Variants in IQCM observed in about 807,000 individuals in gnomAD.
The protein encoded by IQCM is IQ motif containing M.
A neutral mutation model predicts 57.6 loss-of-function variants in IQCM; 45 were observed. The observed-to-expected ratio is 0.78, with a 90% CI of 0.62 to 1.00. The LOEUF (loss-of-function observed/expected upper bound fraction) is 1.00. Among genes scored for constraint, IQCM ranks in the 50% least tolerant of loss-of-function variants. The pLI is 0.00. For missense variants in IQCM, 468 were observed against 511.6 expected (o/e 0.91, Z 0.82); for synonymous variants, 148 against 158.9 (o/e 0.93, Z 0.51).
chr4:149,553,131 T>G lies in IQCM; in HGVS notation c.1093+12A>C. ...AACTTAAATTCAAACCAGAAGTGTC[T>G]GCATCACTTACATTTTTTTCGGTCC... On this transcript the variant is annotated intron_variant, in intron 11 of 13. Transcript: ENST00000636793. 8.1e-7 allele frequency: 1 copy of G among 1,231,554 alleles called. No individual in the cohort carries two copies. The highest frequency in any genetic ancestry group is 1.0e-6 in the Non-Finnish European group (1 of 987,422). The allele number at this position is 1,231,554 out of a possible 1,614,324, so 76.3% of individuals were successfully genotyped here. A position where few individuals can be genotyped will look rare whatever the true frequency, so the allele number is the denominator to read the frequency against.
chr4:149,566,109 G>A (rs1217999205), intron 9 of IQCM, among the ~76,000 whole-genome samples: 1 of 152,086 alleles, frequency 6.6e-6, no homozygotes, highest in Non-Finnish European at 1.5e-5. Context: ...TTTTTGCTTG[G>A]CTAATATAAT....
intron 12 of IQCM, among the ~76,000 whole-genome samples, chr4:149,496,067 C>T (rs537560549): frequency 8.9e-4 from 136 of 152,058 alleles, no homozygotes; most frequent in African/African-American, 3.1e-3. Context: ...GGCCTTTGTA[C>T]GGGGAAGTGG....
At chr4:149,409,913 C>T (rs915927195) in intron 13 of IQCM, among the ~76,000 whole-genome samples, 14 of 152,126 alleles carry the variant, frequency 9.2e-5, no homozygotes, top group African/African-American at 2.2e-4. Flanking sequence ...TGGCCTGGCC[C>T]GGTGGCTCAT....
intron 12 of IQCM, among the ~76,000 whole-genome samples, chr4:149,446,796 G>T (rs555496366): frequency 6.6e-6 from 1 of 151,478 alleles, no homozygotes; most frequent in East Asian, 1.9e-4. Context: ...AATTCCTTAA[G>T]GATAGTCAGA....
At chr4:149,530,945 A>G (rs2149851562) in intron 12 of IQCM, among the ~76,000 whole-genome samples, 1 of 152,140 alleles carries the variant, frequency 6.6e-6, no homozygotes, top group East Asian at 1.9e-4. Context: ...CTATATGCAC[A>G]ATTATCACAT....
At chr4:149,539,490 T>C (rs980808884) in intron 12 of IQCM, among the ~76,000 whole-genome samples, 2 of 152,160 alleles carry the variant, frequency 1.3e-5, no homozygotes, top group Non-Finnish European at 2.9e-5. Flanking sequence ...CCAATGCACA[T>C]TTACTAAAAA....
chr4:149,670,115 C>A (rs192056977), intron 7 of IQCM, among the ~76,000 whole-genome samples: 18 of 152,226 alleles, frequency 1.2e-4, no homozygotes, highest in Admixed American at 3.3e-4. Context: ...ATGAGCATGG[C>A]ATGTTCTTGA....
In IQCM at chr4:149,682,104, T is replaced by C. The variant is rs892075376; in HGVS notation, c.565+14A>G. 3 of 1,085,132 alleles carry C rather than the reference T, an allele frequency of 2.8e-6. No homozygotes were observed. The highest frequency in any genetic ancestry group is 3.3e-5 in the African/African-American group (2 of 61,176). 67.2% of individuals were successfully genotyped at this position (1,085,132 alleles called of 1,614,324 possible). A position where few individuals can be genotyped will look rare whatever the true frequency, so the allele number is the denominator to read the frequency against. ...ATCAATGTGCTGCTACCAACATTTA[T>C]GTATAAGACTCACCAGGTTCTTTCA... On this transcript the variant is annotated intron_variant, in intron 7 of 13. Transcript: ENST00000636793.
At chr4:149,808,060 C>T (rs1345026938) in intron 2 of IQCM, among the ~76,000 whole-genome samples, 5 of 152,106 alleles carry the variant, frequency 3.3e-5, no homozygotes, top group Non-Finnish European at 7.4e-5. Flanking sequence ...AGCAATTCCA[C>T]TGCTGAGCAT....
intron 7 of IQCM, among the ~76,000 whole-genome samples, chr4:149,672,340 G>A (rs942857107): frequency 1.9e-4 from 29 of 152,150 alleles, no homozygotes; most frequent in Non-Finnish European, 2.8e-4. Flanking sequence ...AGCTAAAGGA[G>A]GATGTTCGAA....
At chr4:149,425,881 T>C (rs1022268726) in intron 13 of IQCM, among the ~76,000 whole-genome samples, 2 of 152,026 alleles carry the variant, frequency 1.3e-5, no homozygotes, top group Admixed American at 6.6e-5. Context: ...ATTATACAGA[T>C]TTATTTTATA....
intron 13 of IQCM, among the ~76,000 whole-genome samples, chr4:149,426,751 C>A (rs1734488231): frequency 6.6e-6 from 1 of 151,980 alleles, no homozygotes; most frequent in Admixed American, 6.6e-5. Flanking sequence ...TTCCTCAGAG[C>A]AGCTTACCCA....
intron 9 of IQCM, among the ~76,000 whole-genome samples, chr4:149,576,682 G>A (rs1322457390): frequency 2.0e-5 from 3 of 151,810 alleles, no homozygotes; most frequent in Admixed American, 6.6e-5. Flanking sequence ...TCTTTGCTAT[G>A]GTGAATAGCA....
At chr4:149,705,363 G>C (rs1764080296) in intron 5 of IQCM, among the ~76,000 whole-genome samples, 1 of 150,430 alleles carries the variant, frequency 6.6e-6, no homozygotes, top group Non-Finnish European at 1.5e-5. Context: ...AGCATGACAG[G>C]GTACAAAAAC....
chr4:149,567,277 G>C (rs1750722874), intron 9 of IQCM, among the ~76,000 whole-genome samples: 2 of 151,990 alleles, frequency 1.3e-5, no homozygotes, highest in South Asian at 4.2e-4. Context: ...TGTGACTTCT[G>C]TTCATGTTTT....
intron 8 of IQCM, among the ~76,000 whole-genome samples, chr4:149,611,209 A>T (rs911034907): frequency 2.0e-5 from 3 of 152,062 alleles, no homozygotes; most frequent in Non-Finnish European, 4.4e-5. Flanking sequence ...GGAATAATGG[A>T]TGCTGGTGAG....
intron 12 of IQCM, among the ~76,000 whole-genome samples, chr4:149,515,094 G>GTGTGTGTT: frequency 6.6e-6 from 1 of 151,708 alleles, no homozygotes; most frequent in Non-Finnish European, 1.5e-5. Flanking sequence ...GTGTGTGTGT[G>GTGTGTGTT]TGTGTGTGTG....
chr4:149,438,313 G>T (rs11933058), intron 12 of IQCM, among the ~76,000 whole-genome samples: 23,506 of 151,968 alleles, frequency 0.15, 2,181 homozygotes, highest in South Asian at 0.33. Flanking sequence ...CATTCACAAT[G>T]AATTAGCAAT....
intron 5 of IQCM, among the ~76,000 whole-genome samples, chr4:149,731,719 G>GA (rs576025496): frequency 7.2e-5 from 11 of 151,848 alleles, no homozygotes; most frequent in East Asian, 3.9e-4. Flanking sequence ...GTATAATGTG[G>GA]AAAAAAAATG....
Sources: allele counts gnomAD v4.1 joint callset (sites outside exome capture counted in the v4.1 genomes callset), GRCh38; gene constraint gnomAD v4.1.1; transcripts MANE v1.5; gene names NCBI Gene and HGNC (gene_info 2026-07-23, HGNC 2026-07-21).